Variants in SEMA6D observed in about 807,000 individuals in gnomAD.
SEMA6D encodes semaphorin 6D.
A neutral mutation model predicts 106.6 loss-of-function variants in SEMA6D; 35 were observed. The observed-to-expected ratio is 0.33, with a 90% confidence interval of 0.25 to 0.44. SEMA6D has a LOEUF of 0.44. SEMA6D is among the 20% of genes least tolerant of loss of function. SEMA6D has a pLI of 1.00. For missense variants in SEMA6D, 1,185 were observed against 1,345.9 expected, an observed-to-expected ratio of 0.88 and a Z score of 1.87; for synonymous variants, 499 against 487.7, an observed-to-expected ratio of 1.02 and a Z score of -0.31.
In SEMA6D at chr15:47,760,879, C is replaced by G. The variant is rs566893145; in HGVS notation, c.222-99C>G. The G allele has an allele frequency of 3.8e-4, 425 of 1,108,074 alleles. 1 individual carries two copies. In the African/African-American group the frequency reaches 6.4e-3, roughly 17 times the overall value. 68.6% of individuals were successfully genotyped at this position (1,108,074 alleles called of 1,614,324 possible). On this transcript the variant is annotated intron_variant, in intron 3 of 18. Coordinates refer to ENST00000536845, the MANE Select transcript of SEMA6D (RefSeq NM_001358351.3). The stretch of plus-strand genomic sequence containing the variant: ...GAGACAGAGAAAATCCAGATGATCT[C>G]TAAAACACAATAAAGGCAGATCTGT...
At chr15:47,285,505 A>G (rs1409430648) in intron 1 of SEMA6D, among the ~76,000 whole-genome samples, 1 of 152,182 alleles carries the variant, frequency 6.6e-6, no homozygotes, top group Non-Finnish European at 1.5e-5. Context: ...GGAGAAAGTA[A>G]TAAGTGACCC....
intron 2 of SEMA6D, among the ~76,000 whole-genome samples, chr15:47,443,294 GA>G (rs1405504066): frequency 6.6e-6 from 1 of 152,112 alleles, no homozygotes; most frequent in African/African-American, 2.4e-5. Flanking sequence ...GCAAATAGTT[GA>G]AATGACTTTT....
At position 47,407,417 on chromosome 15, in the gene SEMA6D, AC is replaced by A. The variant is rs1424573203; in HGVS notation, c.-238-4975del. Among the ~76,000 whole-genome samples the A allele has an allele frequency of 9.2e-4, 138 of 149,782 alleles. 1 individual carries two copies. Among genetic ancestry groups the A allele is most frequent in the African/African-American group, 2.0e-3 (81 of 40,972 alleles). On this transcript the variant is annotated intron_variant, in intron 1 of 19. Transcript: ENST00000558014. ...AACAACAACAACAACAACAAAAAAAACAAAAAAAACAAACAAAAATACTTAA... is the reference window on the plus strand; with the variant it reads ...AACAACAACAACAACAACAAAAAAAAAAAAAAAACAAACAAAAATACTTAA...
intron 2 of SEMA6D, 146 bp downstream of exon 2, chr15:47,760,053 C>G (rs1010424381): frequency 1.4e-6 from 1 of 706,322 alleles, no homozygotes; most frequent in Non-Finnish European, 2.4e-6. Context: ...TAATCATTTC[C>G]TAGTGTTTGG....
chr15:47,235,381 G>A (rs1342335626), intron 1 of SEMA6D, among the ~76,000 whole-genome samples: 1 of 151,654 alleles, frequency 6.6e-6, no homozygotes, highest in Admixed American at 6.6e-5. Context: ...TTGCTTTTGG[G>A]GTCTTAGTAA....
intron 1 of SEMA6D, among the ~76,000 whole-genome samples, chr15:47,210,483 A>T (rs1020485781): frequency 6.6e-6 from 1 of 152,004 alleles, no homozygotes; most frequent in Non-Finnish European, 1.5e-5. Context: ...CTATTTAGAA[A>T]TCCAAGCCGG....
At chr15:47,321,385 A>C (rs562751713) in intron 1 of SEMA6D, among the ~76,000 whole-genome samples, 2 of 152,330 alleles carry the variant, frequency 1.3e-5, no homozygotes, top group Admixed American at 1.3e-4. Context: ...CACGTATTTC[A>C]TTGGCCATCC....
At chr15:47,278,334 G>A (rs1315578830) in intron 1 of SEMA6D, among the ~76,000 whole-genome samples, 3 of 152,140 alleles carry the variant, frequency 2.0e-5, no homozygotes, top group Non-Finnish European at 4.4e-5. Flanking sequence ...ATCTCATTGT[G>A]GTTTTGATTT....
rs142865832 is a variant in SEMA6D at position 47,691,185 on chromosome 15, A to T, written c.-54-68560A>T. Among the ~76,000 whole-genome samples the T allele has an allele frequency of 7.1e-3, 1,084 of 152,318 alleles. 8 individuals are homozygous for T. Among genetic ancestry groups the T allele is most frequent in the African/African-American group, 0.025 (1,043 of 41,582 alleles). ...TCACTTGGTTAAAGCAGAGTCTTCCATGTTGCTCCTCTGTAAAGTTACTAT... is the reference window on the plus strand; with the variant it reads ...TCACTTGGTTAAAGCAGAGTCTTCCTTGTTGCTCCTCTGTAAAGTTACTAT... On this transcript the variant is annotated intron_variant, in intron 4 of 19. Coordinates refer to the SEMA6D transcript ENST00000558014.
intron 3 of SEMA6D, among the ~76,000 whole-genome samples, chr15:47,515,035 T>C (rs1164286311): frequency 6.6e-6 from 1 of 152,200 alleles, no homozygotes; most frequent in African/African-American, 2.4e-5. Flanking sequence ...CCCCATTCTT[T>C]CCCTTGCATT....
At chr15:47,413,778 C>A (rs1040408431) in intron 2 of SEMA6D, among the ~76,000 whole-genome samples, 10 of 152,144 alleles carry the variant, frequency 6.6e-5, no homozygotes. Context: ...CCACTGCATT[C>A]GGCCACTAAT....
chr15:47,257,932 GT>G (rs1172058459), intron 1 of SEMA6D, among the ~76,000 whole-genome samples: 1 of 152,022 alleles, frequency 6.6e-6, no homozygotes, highest in African/African-American at 2.4e-5. Context: ...TTGAGGTTAT[GT>G]TTTTTAGTGT....
intron 4 of SEMA6D, among the ~76,000 whole-genome samples, chr15:47,637,032 GA>G (rs972666030): frequency 1.3e-5 from 2 of 152,028 alleles, no homozygotes; most frequent in African/African-American, 4.8e-5. Flanking sequence ...TGATGCTGAT[GA>G]AAAAAAGGCA....
chr15:47,519,436 G>T (rs963382402), intron 3 of SEMA6D, among the ~76,000 whole-genome samples: 1 of 152,170 alleles, frequency 6.6e-6, no homozygotes, highest in Non-Finnish European at 1.5e-5. Flanking sequence ...GAGCATTACT[G>T]TAATTGTTTA....
intron 2 of SEMA6D, among the ~76,000 whole-genome samples, chr15:47,430,441 A>G (rs960136798): frequency 2.0e-5 from 3 of 151,724 alleles, no homozygotes; most frequent in African/African-American, 7.3e-5. Flanking sequence ...GACTGGGGGC[A>G]GGTCTGGGAA....
chr15:47,656,841 A>C (rs1176895217), intron 4 of SEMA6D, among the ~76,000 whole-genome samples: 1 of 152,208 alleles, frequency 6.6e-6, no homozygotes, highest in African/African-American at 2.4e-5. Context: ...GAGGATGGTG[A>C]TCAGCATGGT....
intron 2 of SEMA6D, among the ~76,000 whole-genome samples, chr15:47,442,525 C>G (rs1257544383): frequency 6.6e-6 from 1 of 152,144 alleles, no homozygotes; most frequent in East Asian, 1.9e-4. Flanking sequence ...ATGGGTCTCT[C>G]TCTTTCCTCA....
At chr15:47,427,084 T>C (rs1181642410) in intron 2 of SEMA6D, among the ~76,000 whole-genome samples, 1 of 152,174 alleles carries the variant, frequency 6.6e-6, no homozygotes, top group African/African-American at 2.4e-5. Flanking sequence ...TGTGATTGTA[T>C]TGAAGTAAGG....
intron 1 of SEMA6D, among the ~76,000 whole-genome samples, chr15:47,193,642 AT>A (rs1295368017): frequency 6.6e-6 from 1 of 152,124 alleles, no homozygotes; most frequent in Non-Finnish European, 1.5e-5. Context: ...CTTCCTTGGT[AT>A]TTCTATGAAA....
Sources: allele counts gnomAD v4.1 joint callset (sites outside exome capture counted in the v4.1 genomes callset), GRCh38; gene constraint gnomAD v4.1.1; transcripts MANE v1.5; gene names NCBI Gene and HGNC (gene_info 2026-07-23, HGNC 2026-07-21).